Variants in SEC61A2 observed in about 807,000 individuals in gnomAD.
SEC61A2 encodes protein transport protein Sec61 subunit alpha isoform 2.
A neutral mutation model predicts 59.9 loss-of-function variants in SEC61A2; 28 were observed. The observed-to-expected ratio is 0.47, with a 90% CI of 0.35 to 0.64. The LOEUF (loss-of-function observed/expected upper bound fraction) is 0.64, where lower values mean the gene tolerates loss of function less well. Ranked by LOEUF, SEC61A2 falls within the 30% of genes least tolerant of loss-of-function variation. The pLI is 0.01. For synonymous variants in SEC61A2, 202 were observed against 214.4 expected (o/e 0.94, Z 0.50); for missense variants, 340 against 585.9 (o/e 0.58, Z 4.33).
chr10:12,166,718 G>A (rs1226155643), downstream of SEC61A2: 2 of 510,068 alleles, frequency 3.9e-6, no homozygotes, highest in South Asian at 1.5e-5. Flanking sequence ...GGAAAGTCCT[G>A]GAAAATCATG....
At chr10:12,138,687 AC>A (rs1426205046) in intron 3 of SEC61A2, among the ~76,000 whole-genome samples, 1 of 152,218 alleles carries the variant, frequency 6.6e-6, no homozygotes, top group Non-Finnish European at 1.5e-5. Flanking sequence ...TATGGTCGTT[AC>A]GTCAGTAACT....
chr10:12,161,286 C>A lies in SEC61A2; in HGVS notation c.1167+165C>A, dbSNP rs77265845. On this transcript the variant is annotated intron_variant, in intron 10 of 11. Transcript: ENST00000298428. This position sits in a 1 kb window ranked among gnomAD's most constrained non-coding sequence, Gnocchi z 5.4. ...AGACCCCGTCATGACTAAAAAAATACAAATAAAAATCGGCCGGGCACGGTG... is the reference window on the plus strand; with the variant it reads ...AGACCCCGTCATGACTAAAAAAATAAAAATAAAAATCGGCCGGGCACGGTG... Among the ~76,000 whole-genome samples the A allele has an allele frequency of 1.8e-3, 267 of 152,066 alleles. 5 individuals carry two copies. In the East Asian group the frequency reaches 0.041, roughly 23 times the overall value.
Position 12,155,706 on chromosome 10 carries a change from G to T in SEC61A2, c.463-72G>T. On this transcript the variant is annotated intron_variant, in intron 6 of 11. Transcript: ENST00000298428. This position sits in a 1 kb window ranked among gnomAD's most constrained non-coding sequence, Gnocchi z 4.3. Reference sequence around the variant, plus strand: ...TCAAAACGCCCCTAGCTTGGAAATAGCCAATGGTGTTCCTCTCCCCCTTTC... The same window carrying T: ...TCAAAACGCCCCTAGCTTGGAAATATCCAATGGTGTTCCTCTCCCCCTTTC... 1.3e-6 allele frequency: 2 copies of T among 1,566,632 alleles called. No homozygotes were observed. The highest frequency in any genetic ancestry group is 2.2e-5 in the South Asian group (2 of 88,918).
chr10:12,142,673 G>T lies in SEC61A2; in HGVS notation c.142-444G>T. On this transcript the variant is annotated intron_variant, in intron 3 of 11. Coordinates refer to ENST00000298428, the MANE Select transcript of SEC61A2 (RefSeq NM_018144.4). This position sits in a 1 kb window ranked among gnomAD's most constrained non-coding sequence, Gnocchi z 5.4. ...TAGATGTGCAGTTTAGTAACATTAG[G>T]AATGTTCACATTGTTGTACCACCAC... 9.7e-6 allele frequency: 2 copies of T among 206,882 alleles called. No homozygotes were observed. The highest frequency in any genetic ancestry group is 1.7e-5 in the Non-Finnish European group (2 of 117,698). The allele number at this position is 206,882 out of a possible 1,614,324, so 12.8% of individuals were successfully genotyped here. A position where few individuals can be genotyped will look rare whatever the true frequency, so the allele number is the denominator to read the frequency against.
intron 3 of SEC61A2, among the ~76,000 whole-genome samples, chr10:12,136,392 C>T (rs1307745406): frequency 6.6e-6 from 1 of 152,094 alleles, no homozygotes; most frequent in African/African-American, 2.4e-5. Context: ...ACCGCAACCT[C>T]TGCCTCCTGG....
rs1053523674 is a variant in SEC61A2, at chr10:12,152,593, C to G, written c.462+2632C>G. On this transcript the variant is annotated intron_variant, in intron 6 of 11. Transcript: ENST00000298428. The surrounding 1 kb of genome is among the most constrained non-coding windows in gnomAD (Gnocchi z 5.5). ...TGGGCAACATGGTGAAACCCTGTCT[C>G]TACTAAAAACACAAAAATTGGCCGG... 6.6e-6 allele frequency among the ~76,000 whole-genome samples: 1 copy of G among 151,896 alleles called. No individual in the cohort carries two copies. The highest frequency in any genetic ancestry group is 1.5e-5 in the Non-Finnish European group (1 of 67,986).
chr10:12,131,202 C>T (rs1833728009), intron 1 of SEC61A2, among the ~76,000 whole-genome samples: 1 of 152,092 alleles, frequency 6.6e-6, no homozygotes, highest in South Asian at 2.1e-4. Context: ...CGGTGACTGC[C>T]CATCATTTGT....
At chr10:12,131,501 C>G (rs1253633658) in intron 1 of SEC61A2, among the ~76,000 whole-genome samples, 1 of 151,976 alleles carries the variant, frequency 6.6e-6, no homozygotes, top group South Asian at 2.1e-4. Context: ...CCTTAAAGAA[C>G]CTTGATTTAT....
chr10:12,166,774 AC>A (rs1395100634), downstream of SEC61A2: 1 of 492,942 alleles, frequency 2.0e-6, no homozygotes, highest in Non-Finnish European at 4.2e-6. Flanking sequence ...AGCTAAACTC[AC>A]TCAAGAAGCT....
downstream of SEC61A2, chr10:12,165,412 T>G: frequency 2.2e-6 from 2 of 930,096 alleles, no homozygotes; most frequent in South Asian, 5.0e-5. Context: ...ATTAAACGTT[T>G]TCTAAGATCA....
At chr10:12,157,246 A>C (rs1834419379) in intron 8 of SEC61A2, among the ~76,000 whole-genome samples, 179 bp downstream of exon 8, 1 of 152,144 alleles carries the variant, frequency 6.6e-6, no homozygotes, top group Non-Finnish European at 1.5e-5. Context: ...GAGTCTCTGT[A>C]CTTTTTTTGT....
In SEC61A2 at chr10:12,129,791, G is replaced by A; in HGVS notation, c.4G>A (p.Gly2Ser). 6.8e-7 allele frequency: 1 copy of A among 1,468,128 alleles called. No homozygotes were observed. Among genetic ancestry groups the A allele is most frequent in the Non-Finnish European group, 9.0e-7 (1 of 1,112,218 alleles). The allele number at this position is 1,468,128 out of a possible 1,614,324, so 90.9% of individuals were successfully genotyped here. M[G>S]IKFLEVIKPF... Reference sequence around the variant, plus strand: ...CTGGGCCTCCCCAGCAGCAGCCATGGGCAGTGAGTAGCGGCGGCTGGAGCG... The same window carrying A: ...CTGGGCCTCCCCAGCAGCAGCCATGAGCAGTGAGTAGCGGCGGCTGGAGCG... The change falls in exon 1 of 12, where the codon GGC becomes AGC. Residue 2 changes from glycine (G) to serine (S), a missense_variant. Around this residue, in one of 3 missense-constraint regions of SEC61A2, gnomAD observed 41 missense variants for 47.6 expected, o/e 0.86. Coordinates refer to ENST00000298428, the MANE Select transcript of SEC61A2 (RefSeq NM_018144.4). This position sits in a 1 kb window ranked among gnomAD's most constrained non-coding sequence, Gnocchi z 5.6.
In SEC61A2 at chr10:12,156,038, A is replaced by G. The variant is rs545851731; in HGVS notation, c.616+107A>G. 1.8e-6 allele frequency: 2 copies of G among 1,139,270 alleles called. No individual in the cohort carries two copies. The highest frequency in any genetic ancestry group is 3.1e-5 in the African/African-American group (2 of 64,902). The allele number at this position is 1,139,270 out of a possible 1,614,324, so 70.6% of individuals were successfully genotyped here. A position where few individuals can be genotyped will look rare whatever the true frequency, so the allele number is the denominator to read the frequency against. ...TAGAGCCGTTCTGGTTTGCTCTCCT[A>G]GGGGATAAGGAATGCGAATTCTTCA... On this transcript the variant is annotated intron_variant, in intron 7 of 11. Transcript: ENST00000298428. The surrounding 1 kb of genome is among the most constrained non-coding windows in gnomAD (Gnocchi z 5.2).
chr10:12,158,968 A>G lies in SEC61A2; in HGVS notation c.975+863A>G, dbSNP rs933589391. ...TACATTCTCATATACATCCCCCATC[A>G]TAATTTTTTTTTCTTTTTTTTTTTT... On this transcript the variant is annotated intron_variant, in intron 9 of 11. Coordinates refer to ENST00000298428, the MANE Select transcript of SEC61A2 (RefSeq NM_018144.4). The surrounding 1 kb of genome is among the most constrained non-coding windows in gnomAD (Gnocchi z 5.7). 6.9e-4 allele frequency among the ~76,000 whole-genome samples: 104 copies of G among 150,506 alleles called. No individual in the cohort carries two copies. The highest frequency in any genetic ancestry group is 2.5e-3 in the African/African-American group (101 of 40,752).
At position 12,137,794 on chromosome 10, in the gene SEC61A2, G is replaced by A. The variant is rs549548767; in HGVS notation, c.141+1624G>A. On this transcript the variant is annotated intron_variant, in intron 3 of 11. Coordinates refer to ENST00000298428, the MANE Select transcript of SEC61A2 (RefSeq NM_018144.4). The stretch of plus-strand genomic sequence containing the variant: ...GGCCAAAGTGGGAGGATTACTTGAC[G>A]TCAGGAGTTGAGACCAGTCTGGTCA... Among the ~76,000 whole-genome samples the A allele has an allele frequency of 1.1e-4, 17 of 152,126 alleles. 1 individual carries two copies. In the South Asian group the frequency reaches 2.5e-3, roughly 22 times the overall value.
intron 2 of SEC61A2, 109 bp from the exon 3 acceptor site, chr10:12,135,996 C>A: frequency 1.3e-6 from 1 of 744,362 alleles, no homozygotes; most frequent in Non-Finnish European, 2.4e-6. Context: ...ACGGACATTC[C>A]CAATTTCTGT....
intron 11 of SEC61A2, among the ~76,000 whole-genome samples, chr10:12,163,778 GTTC>G (rs1834592431): frequency 6.6e-6 from 1 of 152,208 alleles, no homozygotes; most frequent in South Asian, 2.1e-4. Context: ...CCATCTTGCT[GTTC>G]TTGTTTCACC....
At chr10:12,147,451 G>A (rs147472310) in intron 4 of SEC61A2, among the ~76,000 whole-genome samples, 2,099 of 152,210 alleles carry the variant, frequency 0.014, 14 homozygotes, top group Non-Finnish European at 0.02. Context: ...TTGGGAGGCC[G>A]AGGAGGGCAG....
At chr10:12,168,869 TC>T (rs1180712259), downstream of SEC61A2, among the ~76,000 whole-genome samples, 1 of 152,076 alleles carries the variant, frequency 6.6e-6, no homozygotes, top group Non-Finnish European at 1.5e-5. This position sits in a 1 kb window ranked among gnomAD's most constrained non-coding sequence, Gnocchi z 4.8. Context: ...TTCAAGCGAT[TC>T]TCCTGCCCCA....
Sources: allele counts gnomAD v4.1 joint callset (sites outside exome capture counted in the v4.1 genomes callset), GRCh38; gene constraint gnomAD v4.1.1; regional missense constraint gnomAD v4.1.1; non-coding constraint Gnocchi (gnomAD v3.1); transcripts MANE v1.5; gene names NCBI Gene and HGNC (gene_info 2026-07-23, HGNC 2026-07-21).